CSGALNACT1: variants seen among roughly 807,000 people sequenced by gnomAD.
CSGALNACT1 encodes chondroitin sulfate N-acetylgalactosaminyltransferase 1.
A neutral mutation model predicts 51.0 loss-of-function variants in CSGALNACT1; 52 were observed. That is an observed-to-expected ratio of 1.02 (90% CI 0.82 to 1.29). The LOEUF (loss-of-function observed/expected upper bound fraction) is 1.29, where lower values mean the gene tolerates loss of function less well. Among genes scored for constraint, CSGALNACT1 ranks in the 50% most tolerant of loss-of-function variants. The pLI is 0.00. For missense variants in CSGALNACT1, 935 were observed against 679.2 expected (o/e 1.38, Z -4.19); for synonymous variants, 341 against 254.4 (o/e 1.34, Z -3.24).
rs1371843028 is a variant in CSGALNACT1 at position 19,408,468 on chromosome 8, C to CCT, written c.1309+144_1309+145insAG. ...AGCCACCGCACCTAGTCTGGAATAG[C>CCT]TTTTTTTTTTTTTTTTTTTTTTTTT... On this transcript the variant is annotated intron_variant, in intron 9 of 9. Transcript: ENST00000454498. The CCT allele has an allele frequency of 1.7e-5, 8 of 469,682 alleles. No individual in the cohort carries two copies. In the African/African-American group the frequency reaches 1.8e-4, roughly 10 times the overall value. 29.1% of individuals were successfully genotyped at this position (469,682 alleles called of 1,614,324 possible).
intron 6 of CSGALNACT1, among the ~76,000 whole-genome samples, chr8:19,439,465 C>T (rs985152235): frequency 1.3e-4 from 20 of 152,144 alleles, no homozygotes; most frequent in African/African-American, 4.8e-4. Flanking sequence ...AGCTCACTGC[C>T]CAGCTGTGCT....
intron 6 of CSGALNACT1, among the ~76,000 whole-genome samples, chr8:19,425,852 T>G (rs907648789): frequency 3.0e-4 from 45 of 152,158 alleles, no homozygotes; most frequent in African/African-American, 1.1e-3. Flanking sequence ...GCTCTGCATC[T>G]ACTCCTGCGA....
intron 3 of CSGALNACT1, among the ~76,000 whole-genome samples, chr8:19,585,595 T>G (rs1231470948): frequency 6.6e-6 from 1 of 152,098 alleles, no homozygotes; most frequent in East Asian, 1.9e-4. Context: ...CTTTACTATC[T>G]CCCTATTAAT....
chr8:19,432,073 C>T (rs574681827), intron 6 of CSGALNACT1, among the ~76,000 whole-genome samples: 68 of 152,228 alleles, frequency 4.5e-4, no homozygotes, highest in Admixed American at 3.4e-3. Context: ...GCAATCTTTA[C>T]GTCTTCATGT....
At chr8:19,576,372 T>C (rs2044214033) in intron 3 of CSGALNACT1, among the ~76,000 whole-genome samples, 1 of 152,156 alleles carries the variant, frequency 6.6e-6, no homozygotes, top group African/African-American at 2.4e-5. Flanking sequence ...TTTGTATTTT[T>C]AGTAGAGACG....
chr8:19,663,524 C>G (rs552929648), intron 1 of CSGALNACT1, among the ~76,000 whole-genome samples: 22 of 152,278 alleles, frequency 1.4e-4, no homozygotes, highest in Admixed American at 1.3e-3. Flanking sequence ...TTCCAAAGAG[C>G]GTAGCATTCA....
chr8:19,680,750 C>T (rs375000205), intron 1 of CSGALNACT1, among the ~76,000 whole-genome samples: 1 of 151,930 alleles, frequency 6.6e-6, no homozygotes, highest in Non-Finnish European at 1.5e-5. Context: ...TTCATCAGCA[C>T]GTGAACATCA....
At chr8:19,536,499 C>T in intron 3 of CSGALNACT1, among the ~76,000 whole-genome samples, 1 of 151,958 alleles carries the variant, frequency 6.6e-6, no homozygotes, top group East Asian at 1.9e-4. Flanking sequence ...AACTACAAGA[C>T]ACAGATGAAA....
At chr8:19,434,293 C>T (rs980479567) in intron 6 of CSGALNACT1, among the ~76,000 whole-genome samples, 1 of 152,094 alleles carries the variant, frequency 6.6e-6, no homozygotes, top group African/African-American at 2.4e-5. Context: ...AATATATTTT[C>T]CCCACATTTT....
At chr8:19,482,057 C>G (rs1041983631) in intron 4 of CSGALNACT1, among the ~76,000 whole-genome samples, 1 of 152,018 alleles carries the variant, frequency 6.6e-6, no homozygotes, top group East Asian at 1.9e-4. Context: ...CTCATGACTC[C>G]GATTAAATAC....
chr8:19,661,749 G>A (rs1406898980), intron 1 of CSGALNACT1, among the ~76,000 whole-genome samples: 2 of 152,174 alleles, frequency 1.3e-5, no homozygotes, highest in South Asian at 2.1e-4. Context: ...AGAAGGTCAG[G>A]TAAGGTCTTC....
intron 1 of CSGALNACT1, among the ~76,000 whole-genome samples, chr8:19,619,506 A>G (rs1271347161): frequency 6.6e-6 from 1 of 151,988 alleles, no homozygotes; most frequent in East Asian, 1.9e-4. Flanking sequence ...GGAGAGGTGA[A>G]GACTGGAGGT....
intron 3 of CSGALNACT1, among the ~76,000 whole-genome samples, chr8:19,534,237 A>G (rs1406668301): frequency 6.6e-6 from 1 of 152,182 alleles, no homozygotes; most frequent in African/African-American, 2.4e-5. Flanking sequence ...GGATCACTTC[A>G]GGTCAGGAGT....
intron 1 of CSGALNACT1, among the ~76,000 whole-genome samples, chr8:19,721,098 G>A (rs112596997): frequency 2.9e-4 from 44 of 152,328 alleles, no homozygotes; most frequent in African/African-American, 1.0e-3. Context: ...TTTTCTGCTG[G>A]AATTCAGTCA....
intron 9 of CSGALNACT1, among the ~76,000 whole-genome samples, chr8:19,407,612 C>T (rs1443267524): frequency 3.3e-5 from 5 of 152,152 alleles, no homozygotes; most frequent in African/African-American, 9.7e-5. Context: ...TGCCTCTTAC[C>T]TGCTGTGAGG....
intron 5 of CSGALNACT1, among the ~76,000 whole-genome samples, chr8:19,449,289 C>T (rs1373508437): frequency 1.3e-5 from 2 of 152,148 alleles, no homozygotes; most frequent in Non-Finnish European, 2.9e-5. Context: ...TATAGATTAG[C>T]ATCTCTCAAA....
intron 1 of CSGALNACT1, among the ~76,000 whole-genome samples, chr8:19,645,209 G>A (rs1239818112): frequency 1.3e-5 from 2 of 152,180 alleles, no homozygotes; most frequent in East Asian, 3.8e-4. Context: ...TGAACAAAGG[G>A]AACAATGTGC....
chr8:19,520,412 G>C (rs2080420169), intron 3 of CSGALNACT1, among the ~76,000 whole-genome samples: 1 of 152,258 alleles, frequency 6.6e-6, no homozygotes, highest in South Asian at 2.1e-4. Context: ...TTTTAAGGCT[G>C]TGGCTCCAGC....
intron 3 of CSGALNACT1, among the ~76,000 whole-genome samples, chr8:19,575,659 G>T (rs984288742): frequency 7.2e-5 from 11 of 152,234 alleles, no homozygotes; most frequent in African/African-American, 2.7e-4. Flanking sequence ...AATTTTGTTA[G>T]AAGTAGTAAT....
Sources: allele counts gnomAD v4.1 joint callset (sites outside exome capture counted in the v4.1 genomes callset), GRCh38; gene constraint gnomAD v4.1.1; transcripts MANE v1.5; gene names NCBI Gene and HGNC (gene_info 2026-07-23, HGNC 2026-07-21).